Variants in KYNU observed in about 807,000 individuals in gnomAD.
KYNU encodes the protein kynureninase.
A neutral mutation model predicts 59.2 loss-of-function variants in KYNU; 54 were observed. The ratio of observed to expected loss-of-function variants is 0.91; its 90% CI spans 0.73 to 1.14. The LOEUF is 1.14. Ranked by LOEUF, KYNU falls within the 50% of genes most tolerant of loss-of-function variation. KYNU has a pLI of 0.00. For synonymous variants in KYNU, 177 were observed against 192.0 expected (o/e 0.92, Z 0.65); for missense variants, 567 against 554.4 (o/e 1.02, Z -0.23).
At chr2:142,993,841 T>C (rs1685468741) in intron 10 of KYNU, among the ~76,000 whole-genome samples, 1 of 152,026 alleles carries the variant, frequency 6.6e-6, no homozygotes, top group Non-Finnish European at 1.5e-5. Flanking sequence ...ATTAAAGCTA[T>C]TCTTGCTTGT....
intron 2 of KYNU, among the ~76,000 whole-genome samples, chr2:142,888,899 C>A (rs1681605961): frequency 2.7e-5 from 4 of 149,212 alleles, no homozygotes. Context: ...AACTTAGAAA[C>A]AATTATGCTC....
intron 8 of KYNU, among the ~76,000 whole-genome samples, chr2:142,983,699 C>T (rs1267105265): frequency 3.9e-5 from 6 of 151,982 alleles, no homozygotes; most frequent in Non-Finnish European, 7.4e-5. Flanking sequence ...GGCTCTATAT[C>T]TGTATTTACT....
chr2:142,975,806 T>C (rs1345532929), intron 8 of KYNU, among the ~76,000 whole-genome samples: 3 of 152,220 alleles, frequency 2.0e-5, no homozygotes, highest in Admixed American at 6.5e-5. Flanking sequence ...CTTGGATCCA[T>C]ACCAGAGTTT....
Position 143,043,827 on chromosome 2 carries a change from A to G in KYNU, c.*1655A>G, listed in dbSNP as rs1687122631. On this transcript the variant is annotated 3_prime_UTR_variant, in exon 14 of 14. Coordinates refer to ENST00000264170, the MANE Select transcript of KYNU (RefSeq NM_003937.3). ...TAAATATATATAAAGTATAATATAT[A>G]TAAAGTATAAATATATATATATTTA... 6.8e-6 allele frequency: 1 copy of G among 147,342 alleles called. No individual in the cohort carries two copies. Among genetic ancestry groups the G allele is most frequent in the Non-Finnish European group, 1.5e-5 (1 of 67,056 alleles). The allele number at this position is 147,342 out of a possible 1,614,324, so 9.1% of individuals were successfully genotyped here.
chr2:142,896,628 C>T (rs1292144529), intron 2 of KYNU, among the ~76,000 whole-genome samples: 2 of 151,980 alleles, frequency 1.3e-5, no homozygotes, highest in African/African-American at 4.8e-5. Context: ...CTCACTGCAT[C>T]CTTGACCTTC....
At chr2:142,997,362 C>A (rs1198294672) in intron 10 of KYNU, among the ~76,000 whole-genome samples, 1 of 152,098 alleles carries the variant, frequency 6.6e-6, no homozygotes, top group African/African-American at 2.4e-5. Context: ...TAACTTATCC[C>A]AAGTTGTTAT....
At chr2:142,988,026 A>G (rs1685271444) in intron 10 of KYNU, among the ~76,000 whole-genome samples, 1 of 151,896 alleles carries the variant, frequency 6.6e-6, no homozygotes, top group South Asian at 2.1e-4. Flanking sequence ...CACAGCCTGC[A>G]AAACCATGAA....
intron 4 of KYNU, among the ~76,000 whole-genome samples, chr2:142,931,105 G>A (rs112468349): frequency 6.6e-6 from 1 of 152,290 alleles, no homozygotes; most frequent in African/African-American, 2.4e-5. Context: ...GCTGTCTTTC[G>A]GTCGGCTCTC....
At chr2:142,947,429 TC>T (rs1683828819) in intron 4 of KYNU, 1 of 511,854 alleles carries the variant, frequency 2.0e-6, no homozygotes, top group South Asian at 3.1e-5. Flanking sequence ...AAACAGCGCT[TC>T]CCTGGATATT....
At chr2:142,927,564 A>G in intron 3 of KYNU, 95 bp from the exon 4 acceptor site, 1 of 912,524 alleles carries the variant, frequency 1.1e-6, no homozygotes, top group South Asian at 1.3e-5. Flanking sequence ...AGAAAGGTCC[A>G]CATAGAAATG....
chr2:143,031,008 G>A (rs1047968699), intron 11 of KYNU, among the ~76,000 whole-genome samples: 1 of 152,170 alleles, frequency 6.6e-6, no homozygotes, highest in South Asian at 2.1e-4. Flanking sequence ...ATGGGTAGTC[G>A]AAGTATGGCT....
At chr2:142,920,896 C>T (rs972970008) in intron 3 of KYNU, among the ~76,000 whole-genome samples, 1 of 152,166 alleles carries the variant, frequency 6.6e-6, no homozygotes, top group Non-Finnish European at 1.5e-5. Flanking sequence ...CGTTTTTGAT[C>T]CCAAAAGTGT....
Position 143,049,417 on chromosome 2 carries a change from C to T in KYNU, c.*7245C>T, listed in dbSNP as rs1375816169. 1 of 152,006 alleles carries T rather than the reference C, an allele frequency of 6.6e-6. No individual in the cohort carries two copies. Among genetic ancestry groups the T allele is most frequent in the Non-Finnish European group, 1.5e-5 (1 of 68,030 alleles). The allele number at this position is 152,006 out of a possible 1,614,324, so 9.4% of individuals were successfully genotyped here. On this transcript the variant is annotated 3_prime_UTR_variant, in exon 14 of 14. Coordinates refer to ENST00000264170, the MANE Select transcript of KYNU (RefSeq NM_003937.3). ...TACCTCCCTCCTCAAACTTTGGGGT[C>T]AGGCCACACACTATAAAGGATTGGA...
At chr2:143,024,436 A>C (rs1573909792) in intron 10 of KYNU, among the ~76,000 whole-genome samples, 1 of 152,058 alleles carries the variant, frequency 6.6e-6, no homozygotes, top group Non-Finnish European at 1.5e-5. Flanking sequence ...GTAATGAAGA[A>C]TTCATGGGAA....
intron 8 of KYNU, among the ~76,000 whole-genome samples, chr2:142,962,059 A>T (rs1276507150): frequency 6.6e-6 from 1 of 152,236 alleles, no homozygotes; most frequent in Non-Finnish European, 1.5e-5. Flanking sequence ...AGATATAAAG[A>T]TAATGTCTTC....
intron 10 of KYNU, among the ~76,000 whole-genome samples, chr2:143,026,535 A>G (rs1686568658): frequency 6.6e-6 from 1 of 152,200 alleles, no homozygotes; most frequent in Admixed American, 6.5e-5. Context: ...TGGCGCTGGT[A>G]GGACCCAACC....
Position 143,043,663 on chromosome 2 carries a change from A to G in KYNU, c.*1491A>G, listed in dbSNP as rs1687116144. The G allele has an allele frequency of 1.3e-5, 2 of 150,308 alleles. No individual in the cohort carries two copies. Among genetic ancestry groups the G allele is most frequent in the East Asian group, 3.9e-4 (2 of 5,156 alleles). The allele number at this position is 150,308 out of a possible 1,614,324, so 9.3% of individuals were successfully genotyped here. A position where few individuals can be genotyped will look rare whatever the true frequency, so the allele number is the denominator to read the frequency against. On this transcript the variant is annotated 3_prime_UTR_variant, in exon 14 of 14. Transcript: ENST00000264170. ...AATCTTCCTACTGTAACTAATCCTC[A>G]TAGATGGAAGAGTTCTCAAAACCTT...
chr2:142,883,793 A>G (rs1681392480), intron 1 of KYNU, among the ~76,000 whole-genome samples: 2 of 152,162 alleles, frequency 1.3e-5, no homozygotes, highest in African/African-American at 4.8e-5. Flanking sequence ...TAAGTCTGAA[A>G]CTACATTGTT....
In KYNU at chr2:143,045,777, G is replaced by A. The variant is rs1352193660; in HGVS notation, c.*3605G>A. The A allele has an allele frequency of 6.6e-6, 1 of 152,070 alleles. No homozygotes were observed. The highest frequency in any genetic ancestry group is 2.4e-5 in the African/African-American group (1 of 41,420). The allele number at this position is 152,070 out of a possible 1,614,324, so 9.4% of individuals were successfully genotyped here. A position where few individuals can be genotyped will look rare whatever the true frequency, so the allele number is the denominator to read the frequency against. On this transcript the variant is annotated 3_prime_UTR_variant, in exon 14 of 14. Coordinates refer to ENST00000264170, the MANE Select transcript of KYNU (RefSeq NM_003937.3). ...AACCTCCTGAGTAGCTGAGACTTTA[G>A]TCACACACCACCATGCCTGACCAGG...
Sources: allele counts gnomAD v4.1 joint callset (sites outside exome capture counted in the v4.1 genomes callset), GRCh38; gene constraint gnomAD v4.1.1; transcripts MANE v1.5; gene names NCBI Gene and HGNC (gene_info 2026-07-23, HGNC 2026-07-21).